IQSEC1: variants seen among roughly 807,000 people sequenced by gnomAD.
IQSEC1 encodes IQ motif and Sec7 domain ArfGEF 1, also known as IQ motif and SEC7 domain-containing protein 1.
IQSEC1 carries 31 observed loss-of-function variants against 91.0 expected under a neutral mutation model. The ratio of observed to expected loss-of-function variants is 0.34; its 90% CI spans 0.26 to 0.46. The LOEUF (loss-of-function observed/expected upper bound fraction) is 0.46, where lower values mean the gene tolerates loss of function less well. IQSEC1 is among the 20% of genes least tolerant of loss of function. The probability of loss-of-function intolerance (pLI) is 1.00; values close to 1 mark genes in which losing one functional copy is unlikely to be tolerated. For missense variants in IQSEC1, 1,388 were observed against 1,575.6 expected (o/e 0.88, Z 2.02); for synonymous variants, 699 against 662.6 (o/e 1.05, Z -0.84).
chr3:13,181,089 G>A (rs1330322043), intron 1 of IQSEC1, among the ~76,000 whole-genome samples: 1 of 152,144 alleles, frequency 6.6e-6, no homozygotes, highest in Non-Finnish European at 1.5e-5. Context: ...GGCTAACGCG[G>A]TGAAACCCCG....
chr3:13,017,644 T>C (rs987884028), intron 1 of IQSEC1, among the ~76,000 whole-genome samples: 3 of 152,196 alleles, frequency 2.0e-5, no homozygotes, highest in African/African-American at 7.2e-5. Context: ...AGTTAGCACC[T>C]GGCACAGTGT....
chr3:13,225,107 G>A (rs945464487), intron 1 of IQSEC1, among the ~76,000 whole-genome samples: 4 of 152,214 alleles, frequency 2.6e-5, no homozygotes, highest in Non-Finnish European at 5.9e-5. Flanking sequence ...TCTCATGCAG[G>A]GCAAGGGTTT....
intron 1 of IQSEC1, among the ~76,000 whole-genome samples, chr3:13,053,452 C>T (rs533665316): frequency 6.6e-6 from 1 of 152,194 alleles, no homozygotes; most frequent in Non-Finnish European, 1.5e-5. Flanking sequence ...GGCCTCAGGG[C>T]GGGGTCTAGG....
intron 1 of IQSEC1, among the ~76,000 whole-genome samples, chr3:13,186,360 A>C (rs970167007): frequency 6.6e-6 from 1 of 152,158 alleles, no homozygotes; most frequent in Non-Finnish European, 1.5e-5. Flanking sequence ...ACAGTGACAG[A>C]ATTTGTATAA....
intron 1 of IQSEC1, among the ~76,000 whole-genome samples, chr3:13,177,051 G>A (rs1450091492): frequency 6.6e-6 from 1 of 152,248 alleles, no homozygotes; most frequent in Non-Finnish European, 1.5e-5. Context: ...GCTGGGGAGA[G>A]GGAACAGGAG....
At chr3:12,991,136 T>A (rs1419471331) in intron 1 of IQSEC1, among the ~76,000 whole-genome samples, 5 of 152,200 alleles carry the variant, frequency 3.3e-5, no homozygotes, top group African/African-American at 1.2e-4. Flanking sequence ...AGTCAGTCCC[T>A]ACCTGCGCCC....
In IQSEC1 at chr3:13,179,830, G is replaced by A. The variant is rs545082635; in HGVS notation, c.273-15697C>T. On this transcript the variant is annotated intron_variant, in intron 1 of 15. Transcript: ENST00000648114. ...GCGAGTTCCGGGTGGGCATGGGCTC[G>A]GCGGGCCCTGCACTCAGAACGGCTG... 1.7e-4 allele frequency among the ~76,000 whole-genome samples: 26 copies of A among 152,312 alleles called. No homozygotes were observed. In the East Asian group the frequency reaches 4.3e-3, roughly 25 times the overall value.
At chr3:12,918,496 G>A (rs1421700674) in intron 6 of IQSEC1, among the ~76,000 whole-genome samples, 3 of 152,052 alleles carry the variant, frequency 2.0e-5, no homozygotes, top group Non-Finnish European at 4.4e-5. Flanking sequence ...TATCCCAGAT[G>A]ACGTGCAGGA....
At position 13,116,130 on chromosome 3, in the gene IQSEC1, C is replaced by T. The variant is rs537142373; in HGVS notation, c.302+47974G>A. ...CCCTGGAGGGTGAGCCAGGCAGAGG[C>T]GCGTGGAAGTCCTCCCAGCTCCCTG... On this transcript the variant is annotated intron_variant, in intron 2 of 15. Coordinates refer to the IQSEC1 transcript ENST00000648114. 2.2e-4 allele frequency among the ~76,000 whole-genome samples: 33 copies of T among 152,294 alleles called. 1 individual carries two copies. In the South Asian group the frequency reaches 5.2e-3, roughly 24 times the overall value.
chr3:13,010,023 G>A (rs144212733), intron 1 of IQSEC1, among the ~76,000 whole-genome samples: 269 of 152,334 alleles, frequency 1.8e-3, no homozygotes, highest in Non-Finnish European at 3.3e-3. Flanking sequence ...TGTGACCTTC[G>A]GCAAGTGACT....
At position 13,277,137 on chromosome 3, in the gene IQSEC1, A is replaced by AAAAAAAAAAC. The variant is rs60347391; in HGVS notation, c.272+5573_272+5574insGTTTTTTTTT. On this transcript the variant is annotated intron_variant, in intron 1 of 15. Transcript: ENST00000648114. ...AAAAAAAAAAAAAAAAAAAAAAAAA[A>AAAAAAAAAAC]CAGAAAACAAGACACAAAAGACCGG... Among the ~76,000 whole-genome samples the AAAAAAAAAAC allele has an allele frequency of 1.5e-3, 181 of 118,378 alleles. 19 individuals carry two copies. Among genetic ancestry groups the AAAAAAAAAAC allele is most frequent in the African/African-American group, 6.1e-3 (167 of 27,458 alleles). The allele number at this position is 118,378 out of a possible 152,430, so 77.7% of individuals were successfully genotyped here.
At chr3:13,089,316 A>G (rs1195932473) in intron 2 of IQSEC1, among the ~76,000 whole-genome samples, 1 of 152,262 alleles carries the variant, frequency 6.6e-6, no homozygotes, top group Non-Finnish European at 1.5e-5. Flanking sequence ...GCACTAGCCC[A>G]TGCCTGTAAT....
At chr3:13,149,657 G>C (rs915997263) in intron 2 of IQSEC1, among the ~76,000 whole-genome samples, 1 of 152,026 alleles carries the variant, frequency 6.6e-6, no homozygotes, top group Non-Finnish European at 1.5e-5. Flanking sequence ...TGTCATCCCC[G>C]TGTGCAAGCC....
intron 2 of IQSEC1, among the ~76,000 whole-genome samples, chr3:13,104,830 C>G (rs1265300668): frequency 6.6e-6 from 1 of 152,136 alleles, no homozygotes; most frequent in Non-Finnish European, 1.5e-5. Context: ...AGGGGTTGGT[C>G]GGGGGGTGAA....
At chr3:12,951,153 C>T (rs1699517436) in intron 1 of IQSEC1, among the ~76,000 whole-genome samples, 3 of 152,152 alleles carry the variant, frequency 2.0e-5, no homozygotes, top group South Asian at 2.1e-4. Flanking sequence ...CTGGGCATGG[C>T]GGCTAACGCC....
rs377389904 is a variant in IQSEC1 at position 13,110,934 on chromosome 3, G to A, written c.302+53170C>T. Reference sequence around the variant, plus strand: ...GCAGTAAACAATGACGATGCCTGGGGGGAATTACCGCACCAGCTGTCACCC... The same window carrying A: ...GCAGTAAACAATGACGATGCCTGGGAGGAATTACCGCACCAGCTGTCACCC... On this transcript the variant is annotated intron_variant, in intron 2 of 15. Transcript: ENST00000648114. Among the ~76,000 whole-genome samples the A allele has an allele frequency of 3.1e-4, 47 of 152,310 alleles. 1 individual carries two copies. In the South Asian group the frequency reaches 9.5e-3, roughly 31 times the overall value.
rs566966400 is a variant in IQSEC1 at position 13,243,639 on chromosome 3, C to A, written c.272+39072G>T. ...GGAGACAGCCTCATTCCCCTCCAGA[C>A]CGAGGAGAAGTTCTAGTAACAGATC... On this transcript the variant is annotated intron_variant, in intron 1 of 15. Coordinates refer to the IQSEC1 transcript ENST00000648114. Among the ~76,000 whole-genome samples, 22 of 152,176 alleles carry A rather than the reference C, an allele frequency of 1.4e-4. No individual in the cohort carries two copies. The South Asian group carries it at 4.6e-3, about 32-fold the overall frequency.
At chr3:13,131,657 T>C (rs1285964939) in intron 2 of IQSEC1, among the ~76,000 whole-genome samples, 1 of 152,036 alleles carries the variant, frequency 6.6e-6, no homozygotes, top group African/African-American at 2.4e-5. Context: ...TGGCTAACTT[T>C]TGTATTTTTA....
At chr3:13,165,194 C>A (rs1367939782) in intron 1 of IQSEC1, among the ~76,000 whole-genome samples, 2 of 152,180 alleles carry the variant, frequency 1.3e-5, no homozygotes, top group Non-Finnish European at 2.9e-5. Context: ...ACCCCTTGTT[C>A]TAGAAGGACC....
Sources: gnomAD v4.1 joint callset for allele counts (sites outside exome capture counted in the v4.1 genomes callset) on GRCh38, gnomAD v4.1.1 for gene constraint, MANE v1.5 for transcripts, NCBI Gene and HGNC (gene_info 2026-07-23, HGNC 2026-07-21) for gene names.